CA5A: variants seen among roughly 807,000 people sequenced by gnomAD.
CA5A encodes carbonic anhydrase 5A.
In CA5A, 28 loss-of-function variants were observed where a neutral mutation model predicts 37.1. That is an observed-to-expected ratio of 0.75 (90% CI 0.56 to 1.03). CA5A has a LOEUF of 1.03. Among genes scored for constraint, CA5A ranks in the 50% least tolerant of loss-of-function variants. The pLI is 0.00. For synonymous variants in CA5A, 171 were observed against 158.4 expected (o/e 1.08, Z -0.60); for missense variants, 444 against 399.9 (o/e 1.11, Z -0.94).
rs1458589992 is a variant in CA5A at position 87,901,945 on chromosome 16, C to T, written c.585G>A (p.Arg195=). Residue 195 remains arginine, a synonymous_variant, in exon 5 of 7, where the codon AGG becomes AGA. Transcript: ENST00000649794. ...TTATTTCCGGCAAGATGTCCACCAG[C>T]CTCTGCAGCGTCTGATGATGGGCCC... ...KLGAHHQTLQ[R]LVDILPEIKH... The T allele has an allele frequency of 5.0e-6, 8 of 1,613,642 alleles. No individual in the cohort carries two copies. The East Asian group carries it at 1.1e-4, about 22-fold the overall frequency.
downstream of CA5A, chr16:87,883,290 T>A (rs1199428293): frequency 6.6e-6 from 1 of 151,508 alleles, no homozygotes; most frequent in East Asian, 1.9e-4. Context: ...TCCAAAGTGC[T>A]GGGATTACAG....
chr16:87,923,986 T>A, intron 2 of CA5A: 1 of 985,360 alleles, frequency 1.0e-6, no homozygotes, highest in African/African-American at 1.7e-5. Context: ...ACATTAAAAC[T>A]GAAAAGCCAA....
intron 5 of CA5A, among the ~76,000 whole-genome samples, chr16:87,892,510 AAATAATAATAAT>A (rs371000298): frequency 0.028 from 3,791 of 135,262 alleles, 120 homozygotes; most frequent in African/African-American, 0.074. Flanking sequence ...ACTCTGTCTC[AAATAATAATAAT>A]AATAATAATA....
intron 2 of CA5A, among the ~76,000 whole-genome samples, chr16:87,909,598 G>C (rs2056021295): frequency 6.6e-6 from 1 of 152,210 alleles, no homozygotes; most frequent in Non-Finnish European, 1.5e-5. Context: ...ATTTCAGGAA[G>C]ACACAGAGGC....
At chr16:87,891,593 A>T (rs1164819509) in intron 6 of CA5A, among the ~76,000 whole-genome samples, 1 of 152,190 alleles carries the variant, frequency 6.6e-6, no homozygotes, top group Non-Finnish European at 1.5e-5. Context: ...TGCTCAGGAC[A>T]TGCTTGCTGT....
downstream of CA5A, chr16:87,883,804 T>C (rs1490337731): frequency 6.6e-6 from 1 of 150,912 alleles, no homozygotes; most frequent in South Asian, 2.1e-4. Flanking sequence ...GCCCAGCGAA[T>C]TTTTTGCATT....
At chr16:87,914,981 A>G (rs989822478) in intron 2 of CA5A, among the ~76,000 whole-genome samples, 1 of 152,216 alleles carries the variant, frequency 6.6e-6, no homozygotes, top group Non-Finnish European at 1.5e-5. Flanking sequence ...CACCGAGTTG[A>G]CGGGTGAGGG....
chr16:87,902,447 G>A lies in CA5A; in HGVS notation c.533C>T (p.Ala178Val). ...TACCTTTAAAAACACGCCTATCACA[G>A]CCAAACCATTCTCTCCCACGACAGC... ...KEAVVGENGL[A>V]VIGVFLKLGA... The change falls in exon 4 of 7, where the codon GCT (alanine) becomes GTT (valine). Residue 178 changes from alanine (A) to valine (V), a missense_variant. Physicochemically the swap from Ala to Val is moderately conservative, Grantham distance 64 (BLOSUM62 0). Coordinates refer to ENST00000649794, the MANE Select transcript of CA5A (RefSeq NM_001739.2). 1 of 1,611,618 alleles carries A rather than the reference G, an allele frequency of 6.2e-7. No individual in the cohort carries two copies. Among genetic ancestry groups the A allele is most frequent in the Non-Finnish European group, 8.5e-7 (1 of 1,177,874 alleles).
chr16:87,889,282 T>A (rs1163639492), intron 6 of CA5A, among the ~76,000 whole-genome samples: 2 of 152,036 alleles, frequency 1.3e-5, no homozygotes, highest in Admixed American at 6.6e-5. Flanking sequence ...CTTGAACTCC[T>A]GACCTCAGGT....
chr16:87,919,439 C>T (rs1377762381), intron 2 of CA5A, among the ~76,000 whole-genome samples: 4 of 152,190 alleles, frequency 2.6e-5, no homozygotes, highest in African/African-American at 4.8e-5. Context: ...CTGGAACTGC[C>T]GGGAAAGAGG....
intron 2 of CA5A, among the ~76,000 whole-genome samples, chr16:87,925,868 C>A (rs972761492): frequency 6.6e-6 from 1 of 152,146 alleles, no homozygotes; most frequent in Non-Finnish European, 1.5e-5. Context: ...CCTATTTAAC[C>A]CCTGCTCCCC....
chr16:87,911,585 G>A lies in CA5A; in HGVS notation c.341-6681C>T, dbSNP rs2056053571. Among the ~76,000 whole-genome samples the A allele has an allele frequency of 6.6e-6, 1 of 151,402 alleles. No individual in the cohort carries two copies. The highest frequency in any genetic ancestry group is 2.4e-5 in the African/African-American group (1 of 41,302). ...TTCCGGTGCCACTCTGGGAGGTAGT[G>A]CACGTTCCCAAGCTGTAAAGGGTGA... On this transcript the variant is annotated intron_variant, in intron 2 of 6. Coordinates refer to ENST00000649794, the MANE Select transcript of CA5A (RefSeq NM_001739.2). The surrounding 1 kb of genome is among the most constrained non-coding windows in gnomAD (Gnocchi z 4.6).
At chr16:87,933,440 G>A (rs1442956758) in intron 1 of CA5A, among the ~76,000 whole-genome samples, 2 of 152,188 alleles carry the variant, frequency 1.3e-5, no homozygotes, top group African/African-American at 4.8e-5. Context: ...GCAGTGGCCT[G>A]ATCAGGGCTC....
At chr16:87,913,876 G>C (rs1313366300) in intron 2 of CA5A, among the ~76,000 whole-genome samples, 3 of 152,210 alleles carry the variant, frequency 2.0e-5, no homozygotes, top group South Asian at 2.1e-4. Flanking sequence ...AGTGGCCCAA[G>C]GGGGGTCATC....
chr16:87,908,264 T>C (rs533602677), intron 2 of CA5A, among the ~76,000 whole-genome samples: 1 of 152,286 alleles, frequency 6.6e-6, no homozygotes, highest in East Asian at 1.9e-4. Flanking sequence ...CCTGGGCAAG[T>C]AGCTTAGCCT....
At chr16:87,917,778 A>ATGCACACATGTATACACAGTGCACATG (rs1567530596) in intron 2 of CA5A, among the ~76,000 whole-genome samples, 13 of 137,172 alleles carry the variant, frequency 9.5e-5, no homozygotes, top group East Asian at 6.1e-4. Flanking sequence ...ATGTGCACAC[A>ATGCACACATGTATACACAGTGCACATG]TGCACACATG....
In CA5A at chr16:87,888,133, G is replaced by C. The variant is rs997794050; in HGVS notation, c.914C>G (p.Ser305Cys). Residue 305 changes from serine to cysteine, a missense_variant, in exon 7 of 7, where the codon TCC becomes TGC. By Grantham distance (112) the Ser-to-Cys change is moderately radical (BLOSUM62 -1). Coordinates refer to ENST00000649794, the MANE Select transcript of CA5A (RefSeq NM_001739.2). Reference protein sequence around the residue: ...SFQATNEGTRS With the variant: ...SFQATNEGTRC The stretch of plus-strand genomic sequence containing the variant: ...ATTCATGTGGACCTAATGTCTCTAG[G>C]ACCTTGTGCCCTCATTAGTGGCCTG... 3.7e-6 allele frequency: 6 copies of C among 1,611,384 alleles called. No homozygotes were observed. In the African/African-American group the frequency reaches 8.0e-5, roughly 22 times the overall value.
At chr16:87,882,304 T>A (rs936943212) in intron 4 of CA5A, 2 of 146,974 alleles carry the variant, frequency 1.4e-5, no homozygotes, top group African/African-American at 4.9e-5. Flanking sequence ...AGTTTTCTCC[T>A]GGGTTTTAAG....
Position 87,888,112 on chromosome 16 carries a change from A to T in CA5A, c.*17T>A. ...TCCTTCAAAGTCAGTTCTGCTATTCATGTGGACCTAATGTCTCTAGGACCT... is the reference window on the plus strand; with the variant it reads ...TCCTTCAAAGTCAGTTCTGCTATTCTTGTGGACCTAATGTCTCTAGGACCT... On this transcript the variant is annotated 3_prime_UTR_variant, in exon 7 of 7. Transcript: ENST00000649794. 6 of 1,581,764 alleles carry T rather than the reference A, an allele frequency of 3.8e-6. No individual in the cohort carries two copies. The highest frequency in any genetic ancestry group is 5.2e-6 in the Non-Finnish European group (6 of 1,160,316).
Sources: allele counts gnomAD v4.1 joint callset (sites outside exome capture counted in the v4.1 genomes callset), GRCh38; gene constraint gnomAD v4.1.1; non-coding constraint Gnocchi (gnomAD v3.1); transcripts MANE v1.5; gene names NCBI Gene and HGNC (gene_info 2026-07-23, HGNC 2026-07-21).